ZMIZ1: variants seen among roughly 807,000 people sequenced by gnomAD.
ZMIZ1 encodes zinc finger MIZ-type containing 1, also known as zinc finger MIZ domain-containing protein 1.
A neutral mutation model predicts 113.9 loss-of-function variants in ZMIZ1; 17 were observed. The ratio of observed to expected loss-of-function variants is 0.15; its 90% CI spans 0.10 to 0.22. ZMIZ1 has a LOEUF of 0.22. Among genes scored for constraint, ZMIZ1 ranks in the 10% least tolerant of loss-of-function variants. The pLI, the probability that ZMIZ1 is intolerant of heterozygous loss-of-function variation, is 1.00. For missense variants in ZMIZ1, 1,059 were observed against 1,477.8 expected (o/e 0.72, Z 4.65); for synonymous variants, 607 against 603.1 (o/e 1.01, Z -0.09).
Position 79,296,349 on chromosome 10 carries a change from TG to T in ZMIZ1, c.1231-119del. 3.6e-6 allele frequency: 4 copies of T among 1,108,008 alleles called. No homozygotes were observed. The highest frequency in any genetic ancestry group is 5.4e-6 in the Non-Finnish European group (4 of 743,082). The allele number at this position is 1,108,008 out of a possible 1,614,324, so 68.6% of individuals were successfully genotyped here. A position where few individuals can be genotyped will look rare whatever the true frequency, so the allele number is the denominator to read the frequency against. On this transcript the variant is annotated intron_variant, in intron 12 of 24. Transcript: ENST00000334512. This position sits in a 1 kb window ranked among gnomAD's most constrained non-coding sequence, Gnocchi z 4.1. ...GGGCCCAAAGCATTATCTGGTTTTGTGGGTGGGAAACAGCAGGAGCAAATGA... is the reference window on the plus strand; with the variant it reads ...GGGCCCAAAGCATTATCTGGTTTTGTGGTGGGAAACAGCAGGAGCAAATGA...
rs755161193 is a variant in ZMIZ1, at chr10:79,311,059, C to T, written c.2971C>T (p.Arg991Trp). The T allele has an allele frequency of 8.1e-6, 13 of 1,613,368 alleles. No homozygotes were observed. The highest frequency in any genetic ancestry group is 2.2e-5 in the East Asian group (1 of 44,888). Reference protein sequence around the residue: ...APPPPPSQPPRQPPQAAPSSH... With the variant: ...APPPPPSQPPWQPPQAAPSSH... ...TCCTCCTCCTCCTTCCCAGCCTCCC[C>T]GGCAGCCGCCACAGGCCGCTCCCAG... Residue 991 changes from arginine to tryptophan, a missense_variant, in exon 24 of 25, where the codon CGG (arginine) becomes TGG (tryptophan). By Grantham distance (101) the Arg-to-Trp change is moderately radical (BLOSUM62 -3). Around this residue, in one of 6 missense-constraint regions of ZMIZ1, gnomAD observed 225 missense variants for 276.0 expected, o/e 0.82. Transcript: ENST00000334512.
intron 7 of ZMIZ1, among the ~76,000 whole-genome samples, chr10:79,248,998 T>C (rs1850378893): frequency 6.6e-6 from 1 of 152,168 alleles, no homozygotes; most frequent in Non-Finnish European, 1.5e-5. Flanking sequence ...CCCAAGAGCT[T>C]ATGATCTGAT....
At chr10:79,191,821 G>A (rs1847617913) in intron 4 of ZMIZ1, among the ~76,000 whole-genome samples, 2 of 152,208 alleles carry the variant, frequency 1.3e-5, no homozygotes, top group Admixed American at 6.5e-5. Flanking sequence ...CAGAGGCTCA[G>A]TTTCTTCATC....
chr10:79,113,383 A>G (rs1843831715), intron 1 of ZMIZ1, among the ~76,000 whole-genome samples: 4 of 152,210 alleles, frequency 2.6e-5, no homozygotes, highest in Admixed American at 2.0e-4. Flanking sequence ...TGGATCTGCC[A>G]TGCGGGGGTG....
intron 7 of ZMIZ1, among the ~76,000 whole-genome samples, chr10:79,254,989 C>T (rs1181888761): frequency 6.6e-6 from 1 of 152,234 alleles, no homozygotes; most frequent in Non-Finnish European, 1.5e-5. Flanking sequence ...GGTGCCTACT[C>T]GCACCCCGCA....
chr10:79,168,167 T>A (rs773311833), intron 4 of ZMIZ1, among the ~76,000 whole-genome samples: 16 of 152,196 alleles, frequency 1.1e-4, no homozygotes, highest in Non-Finnish European at 2.2e-4. Context: ...GATCTACCTC[T>A]TGTTTGCCTC....
chr10:79,101,024 A>G (rs1266704538), intron 1 of ZMIZ1, among the ~76,000 whole-genome samples: 2 of 152,062 alleles, frequency 1.3e-5, no homozygotes, highest in Non-Finnish European at 2.9e-5. Context: ...GGAGCCTTTG[A>G]AGGAAGAGGG....
intron 4 of ZMIZ1, among the ~76,000 whole-genome samples, chr10:79,180,575 G>T (rs1267908556): frequency 6.6e-6 from 1 of 152,174 alleles, no homozygotes; most frequent in African/African-American, 2.4e-5. Context: ...AAAGGAAGTG[G>T]GCTGCACCCC....
intron 14 of ZMIZ1, among the ~76,000 whole-genome samples, 155 bp downstream of exon 14, chr10:79,297,845 G>A (rs879179016): frequency 6.6e-6 from 1 of 152,154 alleles, no homozygotes; most frequent in South Asian, 2.1e-4. Flanking sequence ...GAGATGCTCA[G>A]GACTGAGAAT....
intron 9 of ZMIZ1, chr10:79,290,603 A>G (rs1853420283): frequency 6.1e-5 from 26 of 422,912 alleles, no homozygotes; most frequent in South Asian, 4.9e-4. Context: ...GTGGGGCAGT[A>G]GGCTTCATGG....
intron 7 of ZMIZ1, among the ~76,000 whole-genome samples, chr10:79,264,204 G>A (rs994810376): frequency 2.4e-4 from 36 of 152,250 alleles, no homozygotes; most frequent in African/African-American, 8.4e-4. Context: ...GCCAGCCTGG[G>A]GACTGCCTCC....
At position 79,314,114 on chromosome 10, in the gene ZMIZ1, A is replaced by G. The variant is rs983275469; in HGVS notation, c.*1365A>G. ...CACAATCTCACCCAAACTCCTGCTC[A>G]CTCAAGCAAAAGCAGCCTCTGGCCT... On this transcript the variant is annotated 3_prime_UTR_variant, in exon 25 of 25. Transcript: ENST00000334512. The G allele has an allele frequency of 2.4e-5, 11 of 456,640 alleles. No homozygotes were observed. The highest frequency in any genetic ancestry group is 4.7e-5 in the Admixed American group (2 of 42,546). The allele number at this position is 456,640 out of a possible 1,614,324, so 28.3% of individuals were successfully genotyped here.
intron 4 of ZMIZ1, among the ~76,000 whole-genome samples, chr10:79,164,689 C>T (rs1190573533): frequency 6.6e-6 from 1 of 152,204 alleles, no homozygotes; most frequent in Non-Finnish European, 1.5e-5. Flanking sequence ...TCTGAGCTAT[C>T]TGGAGATTTT....
In ZMIZ1 at chr10:79,069,675, T is replaced by G. The variant is rs955535083; in HGVS notation, c.-337+405T>G. ...AAGGACCGCCTCGGTCTCCTTCGCC[T>G]CCTCTGGGGAGATGCGAAGTTGTGC... On this transcript the variant is annotated intron_variant, in intron 1 of 24. Transcript: ENST00000334512. The surrounding 1 kb of genome is among the most constrained non-coding windows in gnomAD (Gnocchi z 4.6). Among the ~76,000 whole-genome samples the G allele has an allele frequency of 6.6e-6, 1 of 152,028 alleles. No homozygotes were observed. Among genetic ancestry groups the G allele is most frequent in the African/African-American group, 2.4e-5 (1 of 41,412 alleles).
Position 79,118,395 on chromosome 10 carries a change from G to T in ZMIZ1, c.-336-520G>T, listed in dbSNP as rs1844149116. Among the ~76,000 whole-genome samples, 1 of 152,196 alleles carries T rather than the reference G, an allele frequency of 6.6e-6. No individual in the cohort carries two copies. Among genetic ancestry groups the T allele is most frequent in the African/African-American group, 2.4e-5 (1 of 41,442 alleles). On this transcript the variant is annotated intron_variant, in intron 1 of 24. Transcript: ENST00000334512. The surrounding 1 kb of genome is among the most constrained non-coding windows in gnomAD (Gnocchi z 4.1). The stretch of plus-strand genomic sequence containing the variant: ...TCCCAATGTCCAGGAGCTGGGCCTG[G>T]AGCGGGAGAGTGTCCTGTGGGAAGC...
rs149842478 is a variant in ZMIZ1, at chr10:79,232,801, C to G, written c.280+16527C>G. ...GGTGCGGAAGGAATGTGAGCTAAAC[C>G]CCCTCCTGCTTCTTCTGACTTGGTG... On this transcript the variant is annotated intron_variant, in intron 7 of 24. Coordinates refer to ENST00000334512, the MANE Select transcript of ZMIZ1 (RefSeq NM_020338.4). Among the ~76,000 whole-genome samples the G allele has an allele frequency of 3.0e-4, 46 of 152,274 alleles. No individual in the cohort carries two copies. In the South Asian group the frequency reaches 8.7e-3, roughly 29 times the overall value.
At chr10:79,132,215 G>A (rs758399248) in intron 2 of ZMIZ1, among the ~76,000 whole-genome samples, 20 of 152,186 alleles carry the variant, frequency 1.3e-4, no homozygotes, top group African/African-American at 4.1e-4. Flanking sequence ...TTTAGAGGCC[G>A]GCAGACTGAG....
At chr10:79,147,444 C>G (rs1845536359) in intron 3 of ZMIZ1, among the ~76,000 whole-genome samples, 1 of 152,166 alleles carries the variant, frequency 6.6e-6, no homozygotes, top group African/African-American at 2.4e-5. Context: ...CTTTAGAGCC[C>G]TGGCCTCCGT....
At chr10:79,166,397 C>A (rs1008075182) in intron 4 of ZMIZ1, among the ~76,000 whole-genome samples, 12 of 152,250 alleles carry the variant, frequency 7.9e-5, no homozygotes, top group Non-Finnish European at 8.8e-5. Context: ...CTGAGACAAC[C>A]CCACATTCCC....
Sources: allele counts gnomAD v4.1 joint callset (sites outside exome capture counted in the v4.1 genomes callset), GRCh38; gene constraint gnomAD v4.1.1; regional missense constraint gnomAD v4.1.1; non-coding constraint Gnocchi (gnomAD v3.1); transcripts MANE v1.5; gene names NCBI Gene and HGNC (gene_info 2026-07-23, HGNC 2026-07-21).